GLT8D2: variants seen among roughly 807,000 people sequenced by gnomAD.
The protein encoded by GLT8D2 is glycosyltransferase 8 domain containing 2.
In GLT8D2, 45 loss-of-function variants were observed where a neutral mutation model predicts 44.5. That is an observed-to-expected ratio of 1.01 (90% confidence interval 0.80 to 1.30). GLT8D2 has a LOEUF of 1.30. Among genes scored for constraint, GLT8D2 ranks in the 50% most tolerant of loss-of-function variants. The pLI, the probability that GLT8D2 is intolerant of heterozygous loss-of-function variation, is 0.00. For missense variants in GLT8D2, 400 were observed against 430.4 expected, an observed-to-expected ratio of 0.93 and a Z score of 0.62; for synonymous variants, 156 against 157.2, an observed-to-expected ratio of 0.99 and a Z score of 0.06.
intron 1 of GLT8D2, among the ~76,000 whole-genome samples, chr12:104,042,437 T>C (rs902085851): frequency 2.6e-5 from 4 of 152,170 alleles, no homozygotes; most frequent in Admixed American, 2.0e-4. Context: ...AATCAACCCA[T>C]GTGTTTAAGC....
At chr12:103,991,823 TAA>T (rs11340919) in intron 10 of GLT8D2, among the ~76,000 whole-genome samples, 1,721 of 123,170 alleles carry the variant, frequency 0.014, 26 homozygotes, top group African/African-American at 0.034. Context: ...TTACGTCCTT[TAA>T]AAAAAAAAAA....
At chr12:104,030,352 C>T (rs1401160004) in intron 1 of GLT8D2, among the ~76,000 whole-genome samples, 2 of 151,862 alleles carry the variant, frequency 1.3e-5, no homozygotes, top group African/African-American at 4.8e-5. Flanking sequence ...AAATGAATTA[C>T]ATATTAAATA....
intron 3 of GLT8D2, among the ~76,000 whole-genome samples, chr12:104,018,915 A>G (rs1486266104): frequency 6.6e-6 from 1 of 152,170 alleles, no homozygotes; most frequent in Non-Finnish European, 1.5e-5. Context: ...AAACTACTGG[A>G]TCTAAAATCA....
At chr12:104,002,064 C>T (rs1345714403) in intron 5 of GLT8D2, among the ~76,000 whole-genome samples, 1 of 152,182 alleles carries the variant, frequency 6.6e-6, no homozygotes, top group Non-Finnish European at 1.5e-5. Flanking sequence ...CAGCCTCAAA[C>T]TCCTGGGCTC....
upstream of GLT8D2, among the ~76,000 whole-genome samples, chr12:104,051,633 T>C (rs1881737633): frequency 6.6e-6 from 1 of 152,184 alleles, no homozygotes; most frequent in South Asian, 2.1e-4. Flanking sequence ...TGAAGCTATA[T>C]ATTATTGTTA....
At chr12:104,044,550 A>C (rs1472979033) in intron 1 of GLT8D2, among the ~76,000 whole-genome samples, 1 of 152,216 alleles carries the variant, frequency 6.6e-6, no homozygotes, top group Non-Finnish European at 1.5e-5. Context: ...CCTCCCCTAC[A>C]GAAACTCCTT....
In GLT8D2 at chr12:104,019,328, A is replaced by G. The variant is rs144234392; in HGVS notation, c.19+302T>C. 6.4e-4 allele frequency among the ~76,000 whole-genome samples: 97 copies of G among 152,040 alleles called. 7 individuals carry two copies. The East Asian group carries it at 0.018, about 28-fold the overall frequency. The stretch of plus-strand genomic sequence containing the variant: ...TTTTTTGTAGAGATGGGGTCTCTCC[A>G]TGTTACCCAGGCTGGTCTCGAACTC... On this transcript the variant is annotated intron_variant, in intron 3 of 10. Coordinates refer to ENST00000360814, the MANE Select transcript of GLT8D2 (RefSeq NM_001384711.1).
chr12:104,021,933 G>C lies in GLT8D2; in HGVS notation c.-163-442C>G, dbSNP rs571001548. On this transcript the variant is annotated intron_variant, in intron 1 of 10. Transcript: ENST00000360814. ...AGAAGAAGAAGAAGAAGAAGAAGAA[G>C]AAGAAGAAGAAGAAGAAGAAGAGGA... Among the ~76,000 whole-genome samples the C allele has an allele frequency of 1.2e-3, 31 of 24,860 alleles. No homozygotes were observed. The South Asian group carries it at 0.051, about 41-fold the overall frequency. The allele number at this position is 24,860 out of a possible 152,430, so 16.3% of individuals were successfully genotyped here.
At position 104,031,694 on chromosome 12, in the gene GLT8D2, T is replaced by G. The variant is rs1021979185; in HGVS notation, c.-163-10203A>C. On this transcript the variant is annotated intron_variant, in intron 1 of 10. Transcript: ENST00000360814. ...GGACCAGTGGCTCCCATTTTCATTT[T>G]AGCCATTTTGTCGCCTGCACCCACT... Among the ~76,000 whole-genome samples the G allele has an allele frequency of 2.0e-3, 297 of 149,764 alleles. 1 individual carries two copies. The highest frequency in any genetic ancestry group is 6.6e-3 in the African/African-American group (265 of 40,306).
At chr12:104,015,403 C>CACACACACACAA (rs1387174494) in intron 3 of GLT8D2, among the ~76,000 whole-genome samples, 42 of 148,652 alleles carry the variant, frequency 2.8e-4, no homozygotes, top group African/African-American at 1.1e-3. Context: ...AACACACACA[C>CACACACACACAA]ACACACACAC....
intron 1 of GLT8D2, among the ~76,000 whole-genome samples, chr12:104,041,526 A>T (rs1464143240): frequency 6.6e-6 from 1 of 152,238 alleles, no homozygotes; most frequent in Admixed American, 6.5e-5. Context: ...CAGTAAACAC[A>T]GATCGCACCA....
chr12:103,998,407 TA>T (rs1182058993), intron 6 of GLT8D2, among the ~76,000 whole-genome samples: 13 of 151,154 alleles, frequency 8.6e-5, no homozygotes, highest in African/African-American at 2.2e-4. Flanking sequence ...CCTAGCTAAT[TA>T]AAAAAAAATT....
At chr12:104,010,563 A>G (rs1875702591) in intron 4 of GLT8D2, among the ~76,000 whole-genome samples, 2 of 152,116 alleles carry the variant, frequency 1.3e-5, no homozygotes, top group Admixed American at 1.3e-4. Context: ...CTATTACACT[A>G]GGAGCTCTGT....
intron 3 of GLT8D2, among the ~76,000 whole-genome samples, chr12:104,017,287 T>G (rs1593546129): frequency 6.6e-6 from 1 of 152,180 alleles, no homozygotes; most frequent in East Asian, 1.9e-4. Flanking sequence ...CTTTCTATTA[T>G]GAAGTACACT....
intron 9 of GLT8D2, 46 bp downstream of exon 9, chr12:103,994,289 T>C (rs775352629): frequency 5.2e-6 from 8 of 1,535,128 alleles, no homozygotes; most frequent in Non-Finnish European, 7.1e-6. Flanking sequence ...AATTGAATGA[T>C]TTTGTTTCCA....
intron 3 of GLT8D2, among the ~76,000 whole-genome samples, chr12:104,015,894 T>C (rs879632619): frequency 3.9e-5 from 6 of 151,982 alleles, no homozygotes; most frequent in African/African-American, 1.2e-4. Flanking sequence ...TCCCAGCTAT[T>C]TGGGAGGCTG....
At chr12:104,033,126 C>T (rs191579356) in intron 1 of GLT8D2, among the ~76,000 whole-genome samples, 33 of 152,198 alleles carry the variant, frequency 2.2e-4, no homozygotes, top group Non-Finnish European at 3.1e-4. Flanking sequence ...AGGTGATCTG[C>T]CCACCTCAGC....
chr12:104,057,309 T>C (rs1882253947), intron 1 of GLT8D2, among the ~76,000 whole-genome samples: 1 of 152,030 alleles, frequency 6.6e-6, no homozygotes, highest in Non-Finnish European at 1.5e-5. Flanking sequence ...AGGCTTGAGC[T>C]CAGGAGTTCA....
At position 104,016,709 on chromosome 12, in the gene GLT8D2, G is replaced by GAGAAAGAAAGAA. The variant is rs550246831; in HGVS notation, c.20-1616_20-1605dup. ...AAAGAAAGAAAGAAAGAAAGGGAGAGAGAAAGAAAGAAAGAAAGAAAGAAA... is the reference window on the plus strand; with the variant it reads ...AAAGAAAGAAAGAAAGAAAGGGAGAGAGAAAGAAAGAAAGAAAGAAAGAAAGAAAGAAAGAAA... On this transcript the variant is annotated intron_variant, in intron 3 of 10. Transcript: ENST00000360814. Among the ~76,000 whole-genome samples the GAGAAAGAAAGAA allele has an allele frequency of 1.6e-3, 114 of 72,746 alleles. 1 individual carries two copies. Among genetic ancestry groups the GAGAAAGAAAGAA allele is most frequent in the Middle Eastern group, 0.011 (2 of 180 alleles). The allele number at this position is 72,746 out of a possible 152,430, so 47.7% of individuals were successfully genotyped here. A position where few individuals can be genotyped will look rare whatever the true frequency, so the allele number is the denominator to read the frequency against.
Sources: gnomAD v4.1 joint callset for allele counts (sites outside exome capture counted in the v4.1 genomes callset) on GRCh38, gnomAD v4.1.1 for gene constraint, MANE v1.5 for transcripts, NCBI Gene and HGNC (gene_info 2026-07-23, HGNC 2026-07-21) for gene names.